DRC9: variants seen among roughly 807,000 people sequenced by gnomAD.
DRC9 encodes the protein dynein regulatory complex protein 9.
chr3:197,943,820 G>T, the DRC9 span: 4 of 1,614,146 alleles, frequency 2.5e-6, no homozygotes, highest in Non-Finnish European at 3.4e-6. Context: ...CGGGCATGAT[G>T]TAGTTCAGAA....
chr3:197,918,905 T>A, the DRC9 span, among the ~76,000 whole-genome samples: 2 of 151,852 alleles, frequency 1.3e-5, no homozygotes, highest in African/African-American at 4.8e-5. Context: ...GTCTCCCAGG[T>A]TCAAGCGATT....
chr3:197,889,676 T>G, the DRC9 span: 1 of 1,614,082 alleles, frequency 6.2e-7, no homozygotes, highest in Non-Finnish European at 8.5e-7. Flanking sequence ...AACCACCAAT[T>G]TCTCTCCGTA....
chr3:197,951,660 C>T, the DRC9 span: 2 of 266,970 alleles, frequency 7.5e-6, no homozygotes, highest in Non-Finnish European at 1.5e-5. Context: ...GCCTCATTAT[C>T]CTATTGAAAT....
the DRC9 span, among the ~76,000 whole-genome samples, chr3:197,918,098 CTT>C: frequency 5.6e-4 from 73 of 129,564 alleles, no homozygotes; most frequent in East Asian, 2.7e-3. Context: ...GTCAGTGAAT[CTT>C]TTTTTTTTTT....
the DRC9 span, among the ~76,000 whole-genome samples, chr3:197,938,207 T>G: frequency 6.6e-6 from 1 of 151,406 alleles, no homozygotes; most frequent in South Asian, 2.1e-4. Context: ...ATCCCAGCTC[T>G]TCAGGAGGCT....
the DRC9 span, among the ~76,000 whole-genome samples, chr3:197,954,635 G>C: frequency 6.6e-6 from 1 of 152,070 alleles, no homozygotes; most frequent in African/African-American, 2.4e-5. Flanking sequence ...TCAGCCTCCC[G>C]AGTAGCTGGA....
At chr3:197,911,906 C>G in the DRC9 span, among the ~76,000 whole-genome samples, 2 of 152,034 alleles carry the variant, frequency 1.3e-5, no homozygotes, top group East Asian at 3.9e-4. Context: ...TCCCAAAGTG[C>G]TGGGATTACA....
At chr3:197,889,565 C>T in the DRC9 span, 18 of 1,614,004 alleles carry the variant, frequency 1.1e-5, no homozygotes, top group African/African-American at 1.9e-4. Context: ...GCAGAAAACA[C>T]AAAAGAGAAC....
the DRC9 span, chr3:197,889,352 G>T: frequency 1.8e-6 from 1 of 558,358 alleles, no homozygotes. Context: ...TTCCCAGCAA[G>T]GTATGAGGAA....
At chr3:197,932,198 ATTTTGTTTTCCCTC>A in the DRC9 span, 1 of 1,613,202 alleles carries the variant, frequency 6.2e-7, no homozygotes, top group Non-Finnish European at 8.5e-7. Context: ...ATAGAAATGC[ATTTTGTTTTCCCTC>A]TCTTTGCTCA....
the DRC9 span, among the ~76,000 whole-genome samples, chr3:197,942,034 C>T: frequency 1.3e-5 from 2 of 152,078 alleles, no homozygotes; most frequent in Non-Finnish European, 2.9e-5. Flanking sequence ...TCCTGTGATA[C>T]TTACAGCATT....
the DRC9 span, among the ~76,000 whole-genome samples, chr3:197,921,175 G>A: frequency 7.8e-6 from 1 of 128,310 alleles, no homozygotes; most frequent in Non-Finnish European, 1.6e-5. Context: ...CATCTTGGTC[G>A]ACCCGACTAC....
At chr3:197,939,215 A>G in the DRC9 span, among the ~76,000 whole-genome samples, 1 of 152,220 alleles carries the variant, frequency 6.6e-6, no homozygotes, top group Admixed American at 6.6e-5. Flanking sequence ...AAATGTGGCC[A>G]TCTTTGTAGT....
the DRC9 span, among the ~76,000 whole-genome samples, chr3:197,918,178 T>C: frequency 6.8e-6 from 1 of 146,430 alleles, no homozygotes; most frequent in Non-Finnish European, 1.5e-5. Context: ...CACTGCAATC[T>C]CCGCCTCCCA....
At chr3:197,893,241 C>T in the DRC9 span, among the ~76,000 whole-genome samples, 2 of 151,084 alleles carry the variant, frequency 1.3e-5, no homozygotes, top group African/African-American at 4.9e-5. Context: ...CCTGTAATCC[C>T]AGCTACTAGG....
chr3:197,897,828 G>A, the DRC9 span, among the ~76,000 whole-genome samples: 2 of 150,372 alleles, frequency 1.3e-5, no homozygotes, highest in Non-Finnish European at 3.0e-5. Context: ...CTGGAGTGCG[G>A]TGGCCCAATC....
the DRC9 span, among the ~76,000 whole-genome samples, chr3:197,903,588 A>T: frequency 6.6e-6 from 1 of 152,180 alleles, no homozygotes; most frequent in Non-Finnish European, 1.5e-5. Flanking sequence ...GTGAGCCAAG[A>T]TTGTGCCACT....
At chr3:197,929,942 C>A in the DRC9 span, among the ~76,000 whole-genome samples, 1 of 151,890 alleles carries the variant, frequency 6.6e-6, no homozygotes, top group African/African-American at 2.4e-5. This position sits in a 1 kb window ranked among gnomAD's most constrained non-coding sequence, Gnocchi z 4.6. Flanking sequence ...AAAAACAAAA[C>A]AAAACAAAAC....
the DRC9 span, among the ~76,000 whole-genome samples, chr3:197,928,968 A>T: frequency 6.6e-6 from 1 of 152,224 alleles, no homozygotes; most frequent in African/African-American, 2.4e-5. Flanking sequence ...AAGGAGCAGG[A>T]TGACCTGATT....
Sources: gnomAD v4.1 joint callset for allele counts (sites outside exome capture counted in the v4.1 genomes callset) on GRCh38, gnomAD v4.1.1 for gene constraint, Gnocchi (gnomAD v3.1) non-coding constraint, MANE v1.5 for transcripts, NCBI Gene and HGNC (gene_info 2026-07-23, HGNC 2026-07-21) for gene names.